MYT1L: variants seen among roughly 807,000 people sequenced by gnomAD.
MYT1L encodes myelin transcription factor 1-like protein.
In MYT1L, 12 loss-of-function variants were observed where a neutral mutation model predicts 126.7. The observed-to-expected ratio is 0.09, with a 90% confidence interval of 0.06 to 0.15. The LOEUF (loss-of-function observed/expected upper bound fraction) is 0.15. MYT1L is among the 10% of genes least tolerant of loss of function. The probability of loss-of-function intolerance (pLI) is 1.00; values close to 1 mark genes in which losing one functional copy is unlikely to be tolerated. For synonymous variants in MYT1L, 541 were observed against 604.2 expected, an observed-to-expected ratio of 0.90 and a Z score of 1.53; for missense variants, 979 against 1,585.2, an observed-to-expected ratio of 0.62 and a Z score of 6.49.
chr2:2,004,007 C>CTTCTTTCCTGCAGGCA lies in MYT1L; in HGVS notation c.-157-6661_-157-6660insTGCCTGCAGGAAAGAA, dbSNP rs2062739278. On this transcript the variant is annotated intron_variant, in intron 4 of 24. Coordinates refer to ENST00000647738, the MANE Select transcript of MYT1L (RefSeq NM_001303052.2). The stretch of plus-strand genomic sequence containing the variant: ...CCTGCAAGCGTTCTTTCCTGCATGC[C>CTTCTTTCCTGCAGGCA]TTCTTTCCTGCATGCCTTCTTTCCT... Among the ~76,000 whole-genome samples the CTTCTTTCCTGCAGGCA allele has an allele frequency of 3.1e-5, 4 of 130,584 alleles. No individual in the cohort carries two copies. In the South Asian group the frequency reaches 9.2e-4, roughly 30 times the overall value. 85.7% of individuals were successfully genotyped at this position (130,584 alleles called of 152,430 possible).
At chr2:2,197,134 A>G (rs1303371567) in intron 2 of MYT1L, among the ~76,000 whole-genome samples, 3 of 152,188 alleles carry the variant, frequency 2.0e-5, no homozygotes, top group Admixed American at 2.0e-4. Context: ...TATTATTACA[A>G]CTGTTTCTGG....
intron 10 of MYT1L, among the ~76,000 whole-genome samples, chr2:1,918,302 C>A (rs1016995727): frequency 5.3e-5 from 8 of 152,116 alleles, no homozygotes; most frequent in Admixed American, 2.0e-4. Context: ...AAGCTCAGAC[C>A]AAACAGTAAA....
intron 3 of MYT1L, among the ~76,000 whole-genome samples, chr2:2,091,037 A>G (rs1481364830): frequency 2.6e-5 from 4 of 152,202 alleles, no homozygotes; most frequent in Non-Finnish European, 5.9e-5. Flanking sequence ...TGAACTTAAA[A>G]TCATCTATGA....
rs56320658 is a variant in MYT1L, at chr2:1,934,727, T to TACACAC, written c.505+8249_505+8254dup. ...CCCCCTACCCCCTGTCTCTGTCATG[T>TACACAC]ACACACACACACACACACACACACA... On this transcript the variant is annotated intron_variant, in intron 9 of 24. Transcript: ENST00000647738. Among the ~76,000 whole-genome samples the TACACAC allele has an allele frequency of 3.0e-3, 418 of 138,370 alleles. 1 individual carries two copies. The highest frequency in any genetic ancestry group is 6.0e-3 in the African/African-American group (220 of 36,956). 90.8% of individuals were successfully genotyped at this position (138,370 alleles called of 152,430 possible).
intron 3 of MYT1L, among the ~76,000 whole-genome samples, chr2:2,087,847 C>T (rs1421614): frequency 0.34 from 51,933 of 152,150 alleles, 11,338 homozygotes; most frequent in African/African-American, 0.63. Context: ...AAGCACAGAA[C>T]GGGCCAGTGA....
intron 2 of MYT1L, among the ~76,000 whole-genome samples, chr2:2,214,637 C>T (rs565246182): frequency 1.7e-4 from 26 of 152,150 alleles, no homozygotes; most frequent in African/African-American, 6.0e-4. Flanking sequence ...CATTCAAAAG[C>T]GAAGTAAGAC....
At chr2:1,956,211 ATCTATCTATCTATCTG>A (rs756525672) in intron 8 of MYT1L, among the ~76,000 whole-genome samples, 4,796 of 141,972 alleles carry the variant, frequency 0.034, 330 homozygotes, top group African/African-American at 0.13. Context: ...CTATCTATCT[ATCTATCTATCTATCTG>A]TCTATCATCT....
intron 8 of MYT1L, among the ~76,000 whole-genome samples, chr2:1,961,502 G>C (rs2058956654): frequency 6.6e-6 from 1 of 152,174 alleles, no homozygotes; most frequent in African/African-American, 2.4e-5. Context: ...TTCTTGCTCA[G>C]AACTGACAGC....
At chr2:2,134,911 C>A (rs1425190498) in intron 3 of MYT1L, among the ~76,000 whole-genome samples, 1 of 152,190 alleles carries the variant, frequency 6.6e-6, no homozygotes, top group Non-Finnish European at 1.5e-5. Flanking sequence ...GCTGCCTACC[C>A]AGGTGAAACT....
Position 2,330,953 on chromosome 2 carries a change from C to T in MYT1L, c.-521+14G>A, listed in dbSNP as rs1212744784. 6.6e-6 allele frequency: 1 copy of T among 152,116 alleles called. No homozygotes were observed. The highest frequency in any genetic ancestry group is 1.5e-5 in the Non-Finnish European group (1 of 68,042). The allele number at this position is 152,116 out of a possible 1,614,324, so 9.4% of individuals were successfully genotyped here. ...TAAGTTCCCCGAAAAATTAACCTAA[C>T]GAACATCACGTACCTCACAATGACC... On this transcript the variant is annotated intron_variant, in intron 1 of 24. Transcript: ENST00000647738.
intron 8 of MYT1L, among the ~76,000 whole-genome samples, chr2:1,957,385 T>C (rs2058581589): frequency 6.6e-6 from 1 of 152,190 alleles, no homozygotes; most frequent in African/African-American, 2.4e-5. Flanking sequence ...GTATATGCTG[T>C]ACCCAATATG....
At chr2:1,895,040 C>T (rs759646364) in intron 14 of MYT1L, among the ~76,000 whole-genome samples, 9 of 152,126 alleles carry the variant, frequency 5.9e-5, no homozygotes, top group Non-Finnish European at 8.8e-5. Context: ...AAAATGCTAC[C>T]CCAGCATCTC....
At chr2:2,101,704 T>C (rs967640645) in intron 3 of MYT1L, among the ~76,000 whole-genome samples, 4 of 151,812 alleles carry the variant, frequency 2.6e-5, no homozygotes, top group African/African-American at 9.7e-5. Context: ...ATCCATCCAT[T>C]AATCCATCCA....
chr2:1,849,490 T>C (rs2042939706), intron 19 of MYT1L, among the ~76,000 whole-genome samples: 1 of 152,234 alleles, frequency 6.6e-6, no homozygotes, highest in Non-Finnish European at 1.5e-5. Context: ...TCTGCTGCCC[T>C]GGGTCTGTGG....
intron 3 of MYT1L, among the ~76,000 whole-genome samples, chr2:2,139,476 T>A (rs942166874): frequency 6.6e-6 from 1 of 151,346 alleles, no homozygotes; most frequent in Non-Finnish European, 1.5e-5. Context: ...AATATATGTA[T>A]ATATATACAA....
intron 9 of MYT1L, among the ~76,000 whole-genome samples, chr2:1,935,846 C>T (rs542444923): frequency 6.6e-6 from 1 of 152,332 alleles, no homozygotes; most frequent in East Asian, 1.9e-4. Context: ...TATTCGACCC[C>T]ACTATCTTAC....
chr2:1,968,456 C>T (rs935313269), intron 8 of MYT1L, among the ~76,000 whole-genome samples: 3 of 152,174 alleles, frequency 2.0e-5, no homozygotes, highest in Non-Finnish European at 2.9e-5. Flanking sequence ...AATGCATCCA[C>T]GTGTATAGGA....
At chr2:1,972,258 C>G (rs967289733) in intron 8 of MYT1L, among the ~76,000 whole-genome samples, 1 of 152,148 alleles carries the variant, frequency 6.6e-6, no homozygotes, top group Non-Finnish European at 1.5e-5. Context: ...TCCACGCACC[C>G]AAGTGGATCT....
chr2:1,901,115 G>A (rs1259783668), intron 14 of MYT1L, among the ~76,000 whole-genome samples: 1 of 152,224 alleles, frequency 6.6e-6, no homozygotes, highest in African/African-American at 2.4e-5. Flanking sequence ...AATCTGCTCA[G>A]TGGATTTGAC....
Sources: allele counts gnomAD v4.1 joint callset (sites outside exome capture counted in the v4.1 genomes callset), GRCh38; gene constraint gnomAD v4.1.1; transcripts MANE v1.5; gene names NCBI Gene and HGNC (gene_info 2026-07-23, HGNC 2026-07-21).